ZFPM2: variants seen among roughly 807,000 people sequenced by gnomAD.
ZFPM2 encodes the protein zinc finger protein, FOG family member 2, also known as zinc finger protein ZFPM2.
In ZFPM2, 20 loss-of-function variants were observed where a neutral mutation model predicts 98.6. The observed-to-expected ratio is 0.20, with a 90% CI of 0.14 to 0.29. The LOEUF is 0.29. Among genes scored for constraint, ZFPM2 ranks in the 10% least tolerant of loss-of-function variants. ZFPM2 has a pLI of 1.00. For synonymous variants in ZFPM2, 518 were observed against 502.7 expected (o/e 1.03, Z -0.41); for missense variants, 1,310 against 1,388.6 (o/e 0.94, Z 0.90).
intron 3 of ZFPM2, among the ~76,000 whole-genome samples, chr8:105,459,561 T>C (rs957570538): frequency 3.9e-5 from 6 of 152,028 alleles, no homozygotes; most frequent in Non-Finnish European, 7.4e-5. Flanking sequence ...TTCCTCATGG[T>C]TTTGGAGGCT....
chr8:105,623,690 A>G (rs1322650003), intron 4 of ZFPM2, among the ~76,000 whole-genome samples: 3 of 152,140 alleles, frequency 2.0e-5, no homozygotes, highest in Non-Finnish European at 4.4e-5. Context: ...TCTCTCTTCC[A>G]CAGAATACCT....
chr8:105,662,423 C>T (rs1443644966), intron 5 of ZFPM2: 1 of 152,016 alleles, frequency 6.6e-6, no homozygotes. Flanking sequence ...CCTGTATCAA[C>T]TTGGGTAAAA....
chr8:105,759,489 T>C (rs1812687829), intron 5 of ZFPM2, among the ~76,000 whole-genome samples: 1 of 151,980 alleles, frequency 6.6e-6, no homozygotes. Flanking sequence ...CAATTATTGT[T>C]GGCATAATGA....
intron 4 of ZFPM2, among the ~76,000 whole-genome samples, chr8:105,599,165 C>A (rs1008542547): frequency 2.0e-5 from 3 of 151,932 alleles, no homozygotes; most frequent in African/African-American, 7.2e-5. Flanking sequence ...CTTGAAATGC[C>A]ACTCTCCCTG....
chr8:105,762,410 G>A lies in ZFPM2; in HGVS notation c.533-26308G>A, dbSNP rs534086966. Among the ~76,000 whole-genome samples, 9 of 152,006 alleles carry A rather than the reference G, an allele frequency of 5.9e-5. No individual in the cohort carries two copies. The East Asian group carries it at 1.6e-3, about 26-fold the overall frequency. Reference sequence around the variant, plus strand: ...CAAATCCTCCACTCCAATAAAGACAGCCACCAAGGGTCCTGATTACAGGAG... The same window carrying A: ...CAAATCCTCCACTCCAATAAAGACAACCACCAAGGGTCCTGATTACAGGAG... On this transcript the variant is annotated intron_variant, in intron 5 of 7. Coordinates refer to ENST00000407775, the MANE Select transcript of ZFPM2 (RefSeq NM_012082.4).
chr8:105,636,882 T>C (rs1251554535), intron 5 of ZFPM2, among the ~76,000 whole-genome samples: 3 of 152,184 alleles, frequency 2.0e-5, no homozygotes, highest in Non-Finnish European at 2.9e-5. Flanking sequence ...TGCGTATGCT[T>C]TTTAAAGCTT....
chr8:105,423,758 GT>G (rs1811849440), intron 2 of ZFPM2, among the ~76,000 whole-genome samples: 1 of 152,156 alleles, frequency 6.6e-6, no homozygotes, highest in Non-Finnish European at 1.5e-5. Flanking sequence ...AACCTTGGGA[GT>G]TTGTAGTTAT....
chr8:105,589,758 G>C (rs1287990658), intron 4 of ZFPM2, among the ~76,000 whole-genome samples: 2 of 151,978 alleles, frequency 1.3e-5, no homozygotes, highest in Non-Finnish European at 2.9e-5. Context: ...TTGCTCTGTT[G>C]CCCAGGCTGG....
intron 1 of ZFPM2, among the ~76,000 whole-genome samples, chr8:105,379,701 C>A (rs952968456): frequency 6.7e-6 from 1 of 150,182 alleles, no homozygotes; most frequent in Admixed American, 6.6e-5. Flanking sequence ...TGTGGTGAGC[C>A]GAGATCACGC....
intron 5 of ZFPM2, chr8:105,675,943 A>G (rs973867469): frequency 6.6e-6 from 1 of 152,172 alleles, no homozygotes; most frequent in Admixed American, 6.6e-5. Flanking sequence ...CAGTTAGCAA[A>G]ATGTGGAGCC....
At chr8:105,434,791 T>C (rs917314709) in intron 2 of ZFPM2, among the ~76,000 whole-genome samples, 4 of 152,064 alleles carry the variant, frequency 2.6e-5, no homozygotes, top group African/African-American at 7.2e-5. Context: ...CTATAAGAGG[T>C]TAATATTGAT....
intron 3 of ZFPM2, among the ~76,000 whole-genome samples, chr8:105,466,665 A>C (rs1307823537): frequency 1.3e-5 from 2 of 152,086 alleles, no homozygotes; most frequent in Non-Finnish European, 2.9e-5. Flanking sequence ...ATTTAGGTTG[A>C]AAGTTTAATT....
At chr8:105,457,356 C>G (rs79011055) in intron 3 of ZFPM2, among the ~76,000 whole-genome samples, 116 of 152,280 alleles carry the variant, frequency 7.6e-4, no homozygotes, top group African/African-American at 2.7e-3. Flanking sequence ...TTCCCCTGCA[C>G]CTTGGTAGAC....
At chr8:105,585,761 A>G (rs543698598) in intron 4 of ZFPM2, among the ~76,000 whole-genome samples, 2 of 152,238 alleles carry the variant, frequency 1.3e-5, no homozygotes, top group Non-Finnish European at 2.9e-5. Context: ...TGACCCCAGG[A>G]GTTTGAGGTT....
chr8:105,509,527 G>A (rs302965), intron 3 of ZFPM2, among the ~76,000 whole-genome samples: 150,881 of 152,296 alleles, frequency 0.99, 74,746 homozygotes, highest in East Asian at 1. Context: ...AAGGGAAAGA[G>A]AATAAAGTCT....
At chr8:105,633,248 G>T (rs1299634055) in intron 4 of ZFPM2, among the ~76,000 whole-genome samples, 1 of 152,138 alleles carries the variant, frequency 6.6e-6, no homozygotes, top group Non-Finnish European at 1.5e-5. Flanking sequence ...GATCTCTTTG[G>T]CAGGATCATA....
intron 4 of ZFPM2, among the ~76,000 whole-genome samples, chr8:105,587,774 A>T (rs891032688): frequency 2.6e-5 from 4 of 152,120 alleles, no homozygotes; most frequent in African/African-American, 9.7e-5. Context: ...TTTGGACCAG[A>T]TAATTCTTTG....
At chr8:105,343,526 T>C (rs1171955363) in intron 1 of ZFPM2, among the ~76,000 whole-genome samples, 2 of 152,170 alleles carry the variant, frequency 1.3e-5, no homozygotes, top group Non-Finnish European at 2.9e-5. Flanking sequence ...TTCTTCCTTG[T>C]AGGTCAGAAG....
chr8:105,621,580 G>C (rs1816547713), intron 4 of ZFPM2, among the ~76,000 whole-genome samples: 1 of 151,842 alleles, frequency 6.6e-6, no homozygotes, highest in Admixed American at 6.6e-5. Flanking sequence ...ATGTGTGTTT[G>C]GTCATGGACC....
Sources: allele counts gnomAD v4.1 joint callset (sites outside exome capture counted in the v4.1 genomes callset), GRCh38; gene constraint gnomAD v4.1.1; transcripts MANE v1.5; gene names NCBI Gene and HGNC (gene_info 2026-07-23, HGNC 2026-07-21).